Variants in DNAH17 observed in about 807,000 individuals in gnomAD.
The protein encoded by DNAH17 is axonemal beta dynein heavy chain 17.
A neutral mutation model predicts 485.6 loss-of-function variants in DNAH17; 376 were observed. The ratio of observed to expected loss-of-function variants is 0.77; its 90% CI spans 0.71 to 0.84. The LOEUF is 0.84. Among genes scored for constraint, DNAH17 ranks in the 40% least tolerant of loss-of-function variants. The pLI is 0.00. For missense variants in DNAH17, 6,370 were observed against 5,839.3 expected (o/e 1.09, Z -2.96); for synonymous variants, 3,031 against 2,405.9 (o/e 1.26, Z -7.60).
intron 19 of DNAH17, among the ~76,000 whole-genome samples, chr17:78,536,532 C>G (rs990237348): frequency 6.6e-6 from 1 of 151,610 alleles, no homozygotes; most frequent in Non-Finnish European, 1.5e-5. Flanking sequence ...AATACATCAC[C>G]AAGCTGGGCT....
At chr17:78,455,866 A>G (rs933749884) in intron 62 of DNAH17, 30 bp from the exon 63 acceptor site, 3 of 1,542,504 alleles carry the variant, frequency 1.9e-6, no homozygotes, top group South Asian at 1.2e-5. Context: ...AATAAAACAT[A>G]TTTGCACAAG....
Position 78,543,921 on chromosome 17 carries a change from G to A in DNAH17, c.2468C>T (p.Ala823Val), listed in dbSNP as rs749540597. 2.5e-6 allele frequency: 4 copies of A among 1,614,042 alleles called. No homozygotes were observed. Among genetic ancestry groups the A allele is most frequent in the South Asian group, 2.2e-5 (2 of 91,086 alleles). ...TGCTGCGTAGCGCTTGTTGAGGTTGGCAATTCTTCCATCCAAGTCTAACAG... is the reference window on the plus strand; with the variant it reads ...TGCTGCGTAGCGCTTGTTGAGGTTGACAATTCTTCCATCCAAGTCTAACAG... ...EALLDLDGRI[A>V]NLNKRYAAVR... Residue 823 changes from alanine to valine, a missense_variant, in exon 17 of 81, where the codon GCC (alanine) becomes GTC (valine). Coordinates refer to ENST00000389840, the MANE Select transcript of DNAH17 (RefSeq NM_173628.4).
In DNAH17 at chr17:78,486,012, G is replaced by A; in HGVS notation, c.7223C>T (p.Pro2408Leu). 3.1e-6 allele frequency: 5 copies of A among 1,613,870 alleles called. No homozygotes were observed. The highest frequency in any genetic ancestry group is 4.2e-6 in the Non-Finnish European group (5 of 1,179,884). ...YIDPDTKKFL[P>L]WTDKVPSFEL... ...AAAGGAGGGCACTTTATCTGTCCAG[G>A]GCAGGAACTTTTTTGTGTCAGGATC... is the stretch of plus-strand genomic sequence containing the variant. The change falls in exon 46 of 81, where the codon CCC becomes CTC. Residue 2408 changes from proline to leucine, a missense_variant. By Grantham distance (98) the Pro-to-Leu change is moderately conservative (BLOSUM62 -3). Transcript: ENST00000389840.
In DNAH17 at chr17:78,507,313, G is replaced by A. The variant is rs748451550; in HGVS notation, c.4641C>T (p.Pro1547=). 9.9e-6 allele frequency: 16 copies of A among 1,613,880 alleles called. No homozygotes were observed. Among genetic ancestry groups the A allele is most frequent in the East Asian group, 2.2e-5 (1 of 44,902 alleles). The change falls in exon 29 of 81, where the codon CCC becomes CCT. Residue 1547 remains proline (P), a synonymous_variant. Coordinates refer to ENST00000389840, the MANE Select transcript of DNAH17 (RefSeq NM_173628.4). ...GGGCCTCCAGTTTATTGTAGAGGCC[G>A]GGTTTGCTGGTGGCTTCCACCACGT... ...TPNVVEATSK[P]GLYNKLEALK... is the part of the protein sequence containing the mutation.
chr17:78,563,439 T>C (rs938213179), intron 11 of DNAH17, among the ~76,000 whole-genome samples: 6 of 152,098 alleles, frequency 3.9e-5, no homozygotes, highest in Non-Finnish European at 8.8e-5. Flanking sequence ...ATGACTATCC[T>C]GTAATGCGGG....
intron 43 of DNAH17, among the ~76,000 whole-genome samples, chr17:78,491,239 G>A (rs1419744107): frequency 6.6e-6 from 1 of 152,222 alleles, no homozygotes; most frequent in African/African-American, 2.4e-5. Flanking sequence ...AAAATGTAAG[G>A]TGAGGCGCAT....
chr17:78,570,296 GCAGGTGTGTTATAGTACTCAGAGGTGGCC>G lies in DNAH17; in HGVS notation c.966_994del (p.Trp322CysfsTer34). 1 of 1,600,954 alleles carries G rather than the reference GCAGGTGTGTTATAGTACTCAGAGGTGGCC, an allele frequency of 6.2e-7. No individual in the cohort carries two copies. The highest frequency in any genetic ancestry group is 8.5e-7 in the Non-Finnish European group (1 of 1,174,112). ...CTCCTGCAGGATGACGATGATCCTGGCAGGTGTGTTATAGTACTCAGAGGTGGCCCAGATGAAGCAGATGGTGTCCAGCA... is the reference window on the plus strand; with the variant it reads ...CTCCTGCAGGATGACGATGATCCTGGCAGATGAAGCAGATGGTGTCCAGCA... On this transcript the variant is annotated frameshift_variant, in exon 7 of 81. Transcript: ENST00000389840. LOFTEE classifies it high-confidence loss of function.
Position 78,466,727 on chromosome 17 carries a change from C to A in DNAH17, c.8868G>T (p.Trp2956Cys). The A allele has an allele frequency of 6.2e-7, 1 of 1,613,042 alleles. No homozygotes were observed. The highest frequency in any genetic ancestry group is 2.2e-5 in the East Asian group (1 of 44,820). The change falls in exon 56 of 81, where the codon TGG becomes TGT. Residue 2956 changes from tryptophan (W) to cysteine (C), a missense_variant. Trp to Cys is a radical substitution (Grantham distance 215). Coordinates refer to ENST00000389840, the MANE Select transcript of DNAH17 (RefSeq NM_173628.4). The part of the protein sequence containing the change: ...PAVVNCTAID[W>C]FHEWPEDALV... ...GCGCATCTTCCGGCCACTCGTGGAA[C>A]CAGTCGATGGCCGTGCAGTTGACCA... is the stretch of plus-strand genomic sequence containing the variant.
intron 3 of DNAH17, 127 bp from the exon 4 acceptor site, chr17:78,571,909 C>G: frequency 1.1e-6 from 1 of 885,140 alleles, no homozygotes; most frequent in Non-Finnish European, 1.7e-6. Context: ...GGTCTCATGT[C>G]CCTGGTGCCT....
chr17:78,473,903 T>C (rs535891833), intron 54 of DNAH17, among the ~76,000 whole-genome samples: 5 of 152,182 alleles, frequency 3.3e-5, no homozygotes, highest in African/African-American at 1.2e-4. Context: ...CTCCATCAGA[T>C]GCGCTGAGAA....
At chr17:78,495,198 G>A (rs916718696) in intron 38 of DNAH17, 101 bp from the exon 39 acceptor site, 138 of 1,400,018 alleles carry the variant, frequency 9.9e-5, no homozygotes, top group South Asian at 4.0e-4. Flanking sequence ...TCGACTGCCA[G>A]GTAGACCACA....
chr17:78,500,182 C>A, intron 36 of DNAH17, 123 bp downstream of exon 36: 1 of 1,140,702 alleles, frequency 8.8e-7, no homozygotes, highest in Non-Finnish European at 1.2e-6. Flanking sequence ...CACCTCCTCT[C>A]CAGTGCCATT....
intron 13 of DNAH17, 101 bp downstream of exon 13, chr17:78,560,639 T>TA: frequency 1.6e-6 from 2 of 1,266,506 alleles, no homozygotes; most frequent in Non-Finnish European, 2.1e-6. Context: ...CGAACTGTGA[T>TA]ATAAACATCG....
At chr17:78,428,310 C>A in intron 77 of DNAH17, 2 of 624,238 alleles carry the variant, frequency 3.2e-6, no homozygotes, top group Non-Finnish European at 5.8e-6. Context: ...TGTCTGGGCC[C>A]GTACGCTCAC....
Position 78,543,855 on chromosome 17 carries a change from ACT to A in DNAH17, c.2532_2532+1del. 1 of 1,613,974 alleles carries A rather than the reference ACT, an allele frequency of 6.2e-7. No individual in the cohort carries two copies. Among genetic ancestry groups the A allele is most frequent in the Non-Finnish European group, 8.5e-7 (1 of 1,179,880 alleles). ...CAAAAAACCTCCTGGGTGTTTCCTT[ACT>A]GCAACCATGGCTTGGATCTTCACTC... On this transcript the variant is annotated splice_donor_variant and coding_sequence_variant, in exon 17 of 81. Transcript: ENST00000389840. LOFTEE classifies it high-confidence loss of function.
intron 22 of DNAH17, among the ~76,000 whole-genome samples, chr17:78,528,430 A>AT (rs2091136068): frequency 6.6e-6 from 1 of 151,928 alleles, no homozygotes; most frequent in African/African-American, 2.4e-5. Context: ...AATTTTTTAA[A>AT]TTTTTTGTAG....
At chr17:78,492,978 G>A (rs1598576216) in intron 41 of DNAH17, 4 of 431,022 alleles carry the variant, frequency 9.3e-6, no homozygotes, top group East Asian at 1.0e-4. Context: ...AGCTTCCCAA[G>A]TAGCTGGGAT....
At position 78,445,571 on chromosome 17, in the gene DNAH17, C is replaced by A. The variant is rs867583191; in HGVS notation, c.11321G>T (p.Trp3774Leu). 6.4e-7 allele frequency: 1 copy of A among 1,561,946 alleles called. No individual in the cohort carries two copies. Among genetic ancestry groups the A allele is most frequent in the Non-Finnish European group, 8.7e-7 (1 of 1,152,640 alleles). ...CTAAAGACGAACCTTGATCCCGCCC[C>A]AGCCTTGATGCTGGAGGAAGTCCAC... ...SPVDFLQHQG[W>L]GGIKALSEMD... is the part of the protein sequence containing the mutation. Residue 3774 changes from tryptophan to leucine, a missense_variant, in exon 70 of 81, where the codon TGG becomes TTG. Transcript: ENST00000389840.
Position 78,525,047 on chromosome 17 carries a change from C to G in DNAH17, c.3826G>C (p.Val1276Leu), listed in dbSNP as rs1341367379. ...TCCCAGAGCTCCTTCAGTAGGCGGA[C>G]CTCCCGGTGGCAGGCCTTGAGCTGC... The part of the protein sequence containing the change: ...YKQLKACHRE[V>L]RLLKELWDMV... Residue 1276 changes from valine to leucine, a missense_variant, in exon 25 of 81, where the codon GTC (valine) becomes CTC (leucine). Val to Leu is a conservative substitution (Grantham distance 32). Coordinates refer to ENST00000389840, the MANE Select transcript of DNAH17 (RefSeq NM_173628.4). 1.2e-6 allele frequency: 2 copies of G among 1,613,680 alleles called. No homozygotes were observed. Among genetic ancestry groups the G allele is most frequent in the Non-Finnish European group, 1.7e-6 (2 of 1,179,836 alleles).
Sources: gnomAD v4.1 joint callset for allele counts (sites outside exome capture counted in the v4.1 genomes callset) on GRCh38, gnomAD v4.1.1 for gene constraint, MANE v1.5 for transcripts, NCBI Gene and HGNC (gene_info 2026-07-23, HGNC 2026-07-21) for gene names.